Variants in CEP83 observed in about 807,000 individuals in gnomAD.
The protein encoded by CEP83 is centrosomal protein of 83 kDa.
A neutral mutation model predicts 101.9 loss-of-function variants in CEP83; 70 were observed. The observed-to-expected ratio is 0.69, with a 90% CI of 0.57 to 0.84. CEP83 has a LOEUF of 0.84. Ranked by LOEUF, CEP83 falls within the 40% of genes least tolerant of loss-of-function variation. CEP83 has a pLI of 0.00. For missense variants in CEP83, 715 were observed against 787.2 expected, an observed-to-expected ratio of 0.91 and a Z score of 1.10; for synonymous variants, 264 against 267.9, an observed-to-expected ratio of 0.99 and a Z score of 0.14.
rs775115379 is a variant in CEP83, at chr12:94,403,144, C to T, written c.417+26G>A. The T allele has an allele frequency of 3.6e-6, 4 of 1,117,376 alleles. No individual in the cohort carries two copies. In the Admixed American group the frequency reaches 6.9e-5, roughly 19 times the overall value. The allele number at this position is 1,117,376 out of a possible 1,614,324, so 69.2% of individuals were successfully genotyped here. A position where few individuals can be genotyped will look rare whatever the true frequency, so the allele number is the denominator to read the frequency against. ...GACTTTGATCCCATGAGGATAAATGCATAGTAAACAACATAAGTTACTTAC... is the reference window on the plus strand; with the variant it reads ...GACTTTGATCCCATGAGGATAAATGTATAGTAAACAACATAAGTTACTTAC... On this transcript the variant is annotated intron_variant, in intron 5 of 16. Transcript: ENST00000397809.
At chr12:94,270,679 A>G in the CEP83 span, among the ~76,000 whole-genome samples, 1 of 152,040 alleles carries the variant, frequency 6.6e-6, no homozygotes, top group East Asian at 1.9e-4. Flanking sequence ...ACTTGATTCT[A>G]GGATGGACAA....
At chr12:94,423,988 A>G in intron 2 of CEP83, 1 of 1,613,218 alleles carries the variant, frequency 6.2e-7, no homozygotes, top group Non-Finnish European at 8.5e-7. Flanking sequence ...GAGAAATGGG[A>G]TGGTCCATCC....
intron 11 of CEP83, among the ~76,000 whole-genome samples, chr12:94,355,954 A>G (rs1381741332): frequency 1.3e-5 from 2 of 152,180 alleles, no homozygotes; most frequent in Non-Finnish European, 2.9e-5. Context: ...CAGGGCTCTC[A>G]GCTCTGAAGG....
chr12:94,373,598 T>C (rs200114594), intron 8 of CEP83, among the ~76,000 whole-genome samples: 27 of 152,324 alleles, frequency 1.8e-4, no homozygotes, highest in Admixed American at 6.5e-4. Context: ...CTACCTTTTA[T>C]TGGCATTCTG....
chr12:94,432,132 G>A (rs1386840440), intron 2 of CEP83, among the ~76,000 whole-genome samples: 2 of 151,116 alleles, frequency 1.3e-5, no homozygotes, highest in Non-Finnish European at 2.9e-5. Flanking sequence ...TCAGCTCACT[G>A]CAAGCTCTGC....
At chr12:94,427,916 G>A (rs1247119107) in intron 2 of CEP83, among the ~76,000 whole-genome samples, 3 of 152,078 alleles carry the variant, frequency 2.0e-5, no homozygotes, top group South Asian at 2.1e-4. Flanking sequence ...ACAACTTGAC[G>A]CCCTGCCAGA....
chr12:94,313,039 A>C (rs1157535062), intron 14 of CEP83, 22 bp from the exon 15 acceptor site: 7 of 1,071,180 alleles, frequency 6.5e-6, no homozygotes, highest in Non-Finnish European at 8.5e-6. Context: ...AATATGAACA[A>C]GTATGTTAAT....
intron 2 of CEP83, among the ~76,000 whole-genome samples, chr12:94,413,013 C>T (rs2064005300): frequency 2.0e-5 from 3 of 152,066 alleles, no homozygotes; most frequent in Admixed American, 6.6e-5. Flanking sequence ...CCACCACGCT[C>T]GGCTAATTTT....
chr12:94,365,827 T>C (rs2060997540), intron 11 of CEP83, among the ~76,000 whole-genome samples: 1 of 151,454 alleles, frequency 6.6e-6, no homozygotes. Flanking sequence ...AGGAGACTAT[T>C]TCACTAAACA....
chr12:94,343,843 T>TTAAC (rs2059815480), intron 11 of CEP83, among the ~76,000 whole-genome samples: 1 of 152,218 alleles, frequency 6.6e-6, no homozygotes, highest in Non-Finnish European at 1.5e-5. Flanking sequence ...AAAAACCTTC[T>TTAAC]GTTATAGACT....
chr12:94,384,735 A>G (rs140703666), intron 6 of CEP83, among the ~76,000 whole-genome samples: 32 of 151,726 alleles, frequency 2.1e-4, no homozygotes, highest in African/African-American at 5.6e-4. Flanking sequence ...AAAATTTCCA[A>G]TTTTCTTCTC....
In CEP83 at chr12:94,309,916, A is replaced by G; in HGVS notation, c.2001+2T>C. On this transcript the variant is annotated splice_donor_variant, in intron 16 of 16. Transcript: ENST00000397809. LOFTEE classifies it high-confidence loss of function. ...TTTTCCCCCTAAAATAAATGCTCATACCTGCATATGAGGAGGAAATGGTAG... is the reference window on the plus strand; with the variant it reads ...TTTTCCCCCTAAAATAAATGCTCATGCCTGCATATGAGGAGGAAATGGTAG... 6.4e-7 allele frequency: 1 copy of G among 1,552,164 alleles called. No homozygotes were observed. Among genetic ancestry groups the G allele is most frequent in the Non-Finnish European group, 8.7e-7 (1 of 1,143,844 alleles).
chr12:94,347,158 T>C (rs960952616), intron 11 of CEP83, among the ~76,000 whole-genome samples: 19 of 151,490 alleles, frequency 1.3e-4, no homozygotes, highest in Non-Finnish European at 2.4e-4. Context: ...GGAGAAAATA[T>C]CTGTAAAATA....
At chr12:94,439,432 G>A (rs779936166) in intron 1 of CEP83, among the ~76,000 whole-genome samples, 2 of 151,966 alleles carry the variant, frequency 1.3e-5, no homozygotes, top group South Asian at 2.1e-4. Flanking sequence ...AAACCTAGAG[G>A]AGATGGATAA....
At chr12:94,406,931 CA>C (rs572356113) in intron 4 of CEP83, among the ~76,000 whole-genome samples, 486 of 100,280 alleles carry the variant, frequency 4.8e-3, no homozygotes, top group Non-Finnish European at 8.1e-3. Context: ...TGTCTCAAAA[CA>C]AAAAAAAAAA....
intron 11 of CEP83, among the ~76,000 whole-genome samples, chr12:94,367,534 G>C (rs1484448774): frequency 6.6e-6 from 1 of 152,160 alleles, no homozygotes; most frequent in Non-Finnish European, 1.5e-5. Context: ...TTGGGTTTTA[G>C]ACCAGAAGAA....
intron 15 of CEP83, among the ~76,000 whole-genome samples, chr12:94,310,925 G>T (rs1051698005): frequency 1.3e-5 from 2 of 152,276 alleles, no homozygotes; most frequent in East Asian, 3.9e-4. Context: ...AGTATCTTTT[G>T]TATATTAATA....
chr12:94,414,796 A>G (rs1318431494), intron 2 of CEP83, among the ~76,000 whole-genome samples: 2 of 152,222 alleles, frequency 1.3e-5, no homozygotes, highest in Non-Finnish European at 2.9e-5. Context: ...CACATTAAAA[A>G]TTATTCTGTG....
the CEP83 span, among the ~76,000 whole-genome samples, chr12:94,279,303 G>A: frequency 6.6e-6 from 1 of 152,120 alleles, no homozygotes; most frequent in Non-Finnish European, 1.5e-5. Flanking sequence ...CATTATCCCT[G>A]AAAAGAATGG....
Sources: allele counts gnomAD v4.1 joint callset (sites outside exome capture counted in the v4.1 genomes callset), GRCh38; gene constraint gnomAD v4.1.1; transcripts MANE v1.5; gene names NCBI Gene and HGNC (gene_info 2026-07-23, HGNC 2026-07-21).